Variants in C12orf42 observed in about 807,000 individuals in gnomAD.
C12orf42 encodes chromosome 12 open reading frame 42.
In C12orf42, 25 loss-of-function variants were observed where a neutral mutation model predicts 21.6. The observed-to-expected ratio is 1.16, with a 90% CI of 0.84 to 1.62. The LOEUF is 1.62. Ranked by LOEUF, C12orf42 falls within the 40% of genes most tolerant of loss-of-function variation. C12orf42 has a pLI of 0.00. For synonymous variants in C12orf42, 174 were observed against 175.0 expected (o/e 0.99, Z 0.05); for missense variants, 483 against 459.3 (o/e 1.05, Z -0.47).
rs374376439 is a variant in C12orf42 at position 103,421,186 on chromosome 12, A to G, written c.79-19511T>C. On this transcript the variant is annotated intron_variant, in intron 2 of 5. Coordinates refer to ENST00000548883, the MANE Select transcript of C12orf42 (RefSeq NM_198521.5). ...GACACGAGAGGCCCAGGGGCTAATGACAAGGGAGAAAAAATAGAGAAGGGA... is the reference window on the plus strand; with the variant it reads ...GACACGAGAGGCCCAGGGGCTAATGGCAAGGGAGAAAAAATAGAGAAGGGA... Among the ~76,000 whole-genome samples, 35 of 152,262 alleles carry G rather than the reference A, an allele frequency of 2.3e-4. No individual in the cohort carries two copies. The East Asian group carries it at 6.8e-3, about 29-fold the overall frequency.
rs551565518 is a variant in C12orf42 at position 103,488,500 on chromosome 12, C to T, written c.-22+7402G>A. Among the ~76,000 whole-genome samples the T allele has an allele frequency of 2.0e-5, 3 of 152,262 alleles. No homozygotes were observed. In the East Asian group the frequency reaches 5.8e-4, roughly 29 times the overall value. On this transcript the variant is annotated intron_variant, in intron 1 of 5. Coordinates refer to ENST00000548883, the MANE Select transcript of C12orf42 (RefSeq NM_198521.5). ...TTCCTGAATTTGAATGTTGGCCTGC[C>T]TTGGTAGGTTGAGGAAGTTCTCCTG...
At chr12:103,306,518 G>T (rs2038348421) in intron 4 of C12orf42, among the ~76,000 whole-genome samples, 173 bp from the exon 5 acceptor site, 1 of 152,128 alleles carries the variant, frequency 6.6e-6, no homozygotes, top group South Asian at 2.1e-4. Context: ...GAAGAGGGGA[G>T]GGTCTGGAAA....
At chr12:103,332,906 G>A (rs1427606951) in intron 4 of C12orf42, among the ~76,000 whole-genome samples, 3 of 152,176 alleles carry the variant, frequency 2.0e-5, no homozygotes, top group Non-Finnish European at 4.4e-5. Flanking sequence ...CTGCCCCTCT[G>A]TTTTGAGAAT....
At chr12:103,122,500 A>G in the C12orf42 span, among the ~76,000 whole-genome samples, 1 of 152,224 alleles carries the variant, frequency 6.6e-6, no homozygotes, top group African/African-American at 2.4e-5. Context: ...GAAATGAAAC[A>G]AGGAGGGATG....
chr12:103,432,874 C>G (rs904427263), intron 2 of C12orf42, among the ~76,000 whole-genome samples: 1 of 152,130 alleles, frequency 6.6e-6, no homozygotes, highest in Non-Finnish European at 1.5e-5. Context: ...ACCTTGATCT[C>G]GGACTCCCAG....
the C12orf42 span, among the ~76,000 whole-genome samples, chr12:103,168,665 T>C: frequency 6.6e-6 from 1 of 152,188 alleles, no homozygotes; most frequent in Non-Finnish European, 1.5e-5. Flanking sequence ...ACTGGGTATA[T>C]ACCCAAAGGA....
chr12:103,354,971 T>C (rs1006176215), intron 4 of C12orf42, among the ~76,000 whole-genome samples: 2 of 152,164 alleles, frequency 1.3e-5, no homozygotes, highest in Non-Finnish European at 2.9e-5. Flanking sequence ...ATTACCCTGA[T>C]GTATCATTAC....
chr12:103,338,441 CT>C (rs1165393650), intron 4 of C12orf42, among the ~76,000 whole-genome samples: 18 of 152,226 alleles, frequency 1.2e-4, no homozygotes, highest in African/African-American at 4.3e-4. Context: ...GCACTTGAAA[CT>C]GATGTCATCC....
chr12:103,052,962 T>C, the C12orf42 span, among the ~76,000 whole-genome samples: 1 of 152,156 alleles, frequency 6.6e-6, no homozygotes, highest in Non-Finnish European at 1.5e-5. Context: ...TAGGCTTTTA[T>C]GAGAACATCT....
At chr12:103,251,231 C>T (rs970177646) in intron 10 of C12orf42, among the ~76,000 whole-genome samples, 2 of 152,092 alleles carry the variant, frequency 1.3e-5, no homozygotes, top group South Asian at 2.1e-4. Flanking sequence ...CCAACTTCTA[C>T]ACCATCCCCC....
At chr12:103,162,269 G>A in the C12orf42 span, among the ~76,000 whole-genome samples, 19 of 152,094 alleles carry the variant, frequency 1.2e-4, no homozygotes, top group African/African-American at 3.4e-4. Context: ...GCAAGCCTGC[G>A]GGGGCCTCTC....
At chr12:103,118,724 GA>G in the C12orf42 span, among the ~76,000 whole-genome samples, 59 of 135,360 alleles carry the variant, frequency 4.4e-4, no homozygotes, top group African/African-American at 1.6e-3. Context: ...TGTGAGCCCG[GA>G]AGGCAGAGCT....
At chr12:103,073,130 A>C in the C12orf42 span, among the ~76,000 whole-genome samples, 1 of 152,180 alleles carries the variant, frequency 6.6e-6, no homozygotes, top group Non-Finnish European at 1.5e-5. Flanking sequence ...AAATGATGAG[A>C]ACACACGGAC....
intron 4 of C12orf42, among the ~76,000 whole-genome samples, chr12:103,335,140 ATCT>A (rs1303119713): frequency 6.6e-6 from 1 of 152,236 alleles, no homozygotes; most frequent in Non-Finnish European, 1.5e-5. Flanking sequence ...AACATCTTTA[ATCT>A]TCTTTTGCTC....
chr12:103,428,893 A>G (rs1950049710), intron 2 of C12orf42, among the ~76,000 whole-genome samples: 1 of 102,448 alleles, frequency 9.8e-6, no homozygotes, highest in African/African-American at 3.0e-5. Flanking sequence ...ATAGATGCAG[A>G]CAAGGCCTTT....
At chr12:103,146,580 G>GAAAGAAAGAAAGAAAT in the C12orf42 span, among the ~76,000 whole-genome samples, 4 of 148,484 alleles carry the variant, frequency 2.7e-5, no homozygotes, top group Admixed American at 2.7e-4. Context: ...AAGAAAGAAA[G>GAAAGAAAGAAAGAAAT]AAAGAAAGAA....
chr12:103,184,719 C>A, the C12orf42 span, among the ~76,000 whole-genome samples: 6 of 140,828 alleles, frequency 4.3e-5, no homozygotes, highest in Non-Finnish European at 7.8e-5. Context: ...TCACCCCCCC[C>A]CCCCCAAATA....
chr12:103,077,732 AAT>A, the C12orf42 span, among the ~76,000 whole-genome samples: 1 of 152,296 alleles, frequency 6.6e-6, no homozygotes, highest in Non-Finnish European at 1.5e-5. Flanking sequence ...CTCAGGACTC[AAT>A]AACATTTGAT....
At chr12:103,118,772 T>TAAAAA in the C12orf42 span, among the ~76,000 whole-genome samples, 20 of 41,652 alleles carry the variant, frequency 4.8e-4, 1 homozygote, top group South Asian at 1.4e-3. Flanking sequence ...CACTCCAGCC[T>TAAAAA]AAAAAAAAAA....
Sources: allele counts gnomAD v4.1 joint callset (sites outside exome capture counted in the v4.1 genomes callset), GRCh38; gene constraint gnomAD v4.1.1; transcripts MANE v1.5; gene names NCBI Gene and HGNC (gene_info 2026-07-23, HGNC 2026-07-21).